The following ZC3H7B variants were observed in gnomAD, a reference collection of about 807,000 sequenced individuals.
ZC3H7B encodes the protein zinc finger CCCH-type containing 7B.
A neutral mutation model predicts 116.0 loss-of-function variants in ZC3H7B; 35 were observed. The ratio of observed to expected loss-of-function variants is 0.30; its 90% CI spans 0.23 to 0.40. The LOEUF is 0.40. Ranked by LOEUF, ZC3H7B falls within the 10% of genes least tolerant of loss-of-function variation. ZC3H7B has a pLI of 1.00. For synonymous variants in ZC3H7B, 502 were observed against 545.6 expected (o/e 0.92, Z 1.11); for missense variants, 1,011 against 1,321.5 (o/e 0.77, Z 3.64).
Position 41,357,418 on chromosome 22 carries a change from A to G in ZC3H7B, c.2923A>G (p.Thr975Ala), listed in dbSNP as rs1008745981. Residue 975 changes from threonine to alanine, a missense_variant, in exon 23 of 23, where the codon ACT becomes GCT. Physicochemically the swap from Thr to Ala is moderately conservative, Grantham distance 58 (BLOSUM62 0). Coordinates refer to ENST00000352645, the MANE Select transcript of ZC3H7B (RefSeq NM_017590.6). The surrounding 1 kb of genome is among the most constrained non-coding windows in gnomAD (Gnocchi z 5.4). ...EAPAAAATAT[T>A]GE ...CCCTGCTGCTGCTGCCACCGCCACC[A>G]CTGGGGAGTAGGGCCAGGTGTTGGC... 1 of 1,589,358 alleles carries G rather than the reference A, an allele frequency of 6.3e-7. No individual in the cohort carries two copies. Among genetic ancestry groups the G allele is most frequent in the Admixed American group, 1.7e-5 (1 of 59,222 alleles).
Position 41,313,097 on chromosome 22 carries a change from A to C in ZC3H7B, c.-6-7558A>C, listed in dbSNP as rs534925384. On this transcript the variant is annotated intron_variant, in intron 1 of 22. Transcript: ENST00000352645. ...ATAAAAAATGAGGTGGGGCAGTTCC[A>C]GAAGCAGGTAATGTTTTGGGTCAGA... 1.3e-3 allele frequency among the ~76,000 whole-genome samples: 192 copies of C among 152,088 alleles called. 1 individual carries two copies. The highest frequency in any genetic ancestry group is 6.8e-3 in the Middle Eastern group (2 of 294).
In ZC3H7B at chr22:41,339,113, C is replaced by G; in HGVS notation, c.738C>G (p.Leu246=). ...LLAPLDSSRT[L]PSTDSLDDFS... ...CCCCCCTGGACAGCAGCAGGACCCTCCCCAGCACCGACAGCCTGGATGACT... is the reference window on the plus strand; with the variant it reads ...CCCCCCTGGACAGCAGCAGGACCCTGCCCAGCACCGACAGCCTGGATGACT... The change falls in exon 9 of 23, where the codon CTC becomes CTG. Residue 246 remains leucine (L), a synonymous_variant. Transcript: ENST00000352645. The G allele has an allele frequency of 6.2e-7, 1 of 1,613,014 alleles. No homozygotes were observed. The highest frequency in any genetic ancestry group is 1.1e-5 in the South Asian group (1 of 90,702).
In ZC3H7B at chr22:41,348,126, C is replaced by G; in HGVS notation, c.1725C>G (p.Val575=). ...AAGGCACCAAGGACTCTCCGTCTGT[C>G]TGCTCCAACCTGGCTGCCAAGCACA... ...ISKGTKDSPS[V]CSNLAAKHSF... Residue 575 remains valine, a synonymous_variant, in exon 15 of 23, where the codon GTC becomes GTG. Transcript: ENST00000352645. The G allele has an allele frequency of 6.2e-7, 1 of 1,613,998 alleles. No homozygotes were observed.
At chr22:41,324,349 G>C (rs532800466) in intron 2 of ZC3H7B, among the ~76,000 whole-genome samples, 128 of 152,296 alleles carry the variant, frequency 8.4e-4, no homozygotes, top group Non-Finnish European at 1.3e-3. Context: ...TTGCGCCTCT[G>C]CCCACCTCTC....
chr22:41,340,685 T>C (rs2036510894), intron 10 of ZC3H7B, among the ~76,000 whole-genome samples: 2 of 152,096 alleles, frequency 1.3e-5, no homozygotes, highest in Admixed American at 1.3e-4. Context: ...GAGGAAGTGA[T>C]GACTAGGCAG....
chr22:41,323,591 G>A (rs561275789), intron 2 of ZC3H7B, among the ~76,000 whole-genome samples: 50 of 152,320 alleles, frequency 3.3e-4, no homozygotes, highest in African/African-American at 4.8e-4. Context: ...CCCCGAAGCC[G>A]TCTGTTGGCC....
chr22:41,334,736 A>T (rs890444613), intron 7 of ZC3H7B: 1 of 152,320 alleles, frequency 6.6e-6, no homozygotes, highest in African/African-American at 2.4e-5. Flanking sequence ...TGAGTTGTGC[A>T]CAGACACAAG....
At position 41,346,212 on chromosome 22, in the gene ZC3H7B, C is replaced by A; in HGVS notation, c.1665+4C>A. 1 of 1,608,536 alleles carries A rather than the reference C, an allele frequency of 6.2e-7. No individual in the cohort carries two copies. The highest frequency in any genetic ancestry group is 8.5e-7 in the Non-Finnish European group (1 of 1,179,742). ...CATCTTCACCTTCCTCTGCGAGGTA[C>A]TGCCCACCCACCCACTGCCACCCCA... On this transcript the variant is annotated splice_donor_region_variant and intron_variant, in intron 14 of 22. Transcript: ENST00000352645. This position sits in a 1 kb window ranked among gnomAD's most constrained non-coding sequence, Gnocchi z 5.3.
At chr22:41,311,717 A>G (rs2036120612) in intron 1 of ZC3H7B, among the ~76,000 whole-genome samples, 1 of 152,030 alleles carries the variant, frequency 6.6e-6, no homozygotes, top group Non-Finnish European at 1.5e-5. Context: ...TGTTATCATG[A>G]AATGCAAGAG....
Position 41,357,592 on chromosome 22 carries a change from G to A in ZC3H7B, c.*163G>A, listed in dbSNP as rs568414633. The A allele has an allele frequency of 1.4e-4, 140 of 1,024,814 alleles. No individual in the cohort carries two copies. The African/African-American group carries it at 1.8e-3, about 14-fold the overall frequency. The allele number at this position is 1,024,814 out of a possible 1,614,324, so 63.5% of individuals were successfully genotyped here. On this transcript the variant is annotated 3_prime_UTR_variant, in exon 23 of 23. Coordinates refer to ENST00000352645, the MANE Select transcript of ZC3H7B (RefSeq NM_017590.6). The surrounding 1 kb of genome is among the most constrained non-coding windows in gnomAD (Gnocchi z 5.4). ...TCCATCTTCTCCCCACCACCGCCCC[G>A]GTGTGCGTACCCAGGCGCACGTGCT...
intron 15 of ZC3H7B, among the ~76,000 whole-genome samples, chr22:41,348,751 T>C (rs984881593): frequency 5.3e-5 from 8 of 152,212 alleles, no homozygotes; most frequent in Non-Finnish European, 1.2e-4. Context: ...TCTAGGCTCC[T>C]GGGGCTGCAG....
At chr22:41,320,853 G>A (rs1226410831) in intron 2 of ZC3H7B, 140 bp downstream of exon 2, 3 of 1,168,742 alleles carry the variant, frequency 2.6e-6, no homozygotes, top group African/African-American at 3.1e-5. Flanking sequence ...GTGCGGGCAG[G>A]TGGGAGGAGC....
chr22:41,302,408 G>A lies in ZC3H7B; in HGVS notation c.-7+636G>A, dbSNP rs966206313. Among the ~76,000 whole-genome samples the A allele has an allele frequency of 1.1e-4, 16 of 152,128 alleles. No homozygotes were observed. The highest frequency in any genetic ancestry group is 3.9e-4 in the African/African-American group (16 of 41,452). ...AGGGGGGCGCGGTCTGGGCCTGCTG[G>A]GCAGGGGGGCGTTTCCGGTCGCAGG... On this transcript the variant is annotated intron_variant, in intron 1 of 22. Coordinates refer to ENST00000352645, the MANE Select transcript of ZC3H7B (RefSeq NM_017590.6). The surrounding 1 kb of genome is among the most constrained non-coding windows in gnomAD (Gnocchi z 5.7).
At chr22:41,345,202 A>G (rs985916156) in intron 13 of ZC3H7B, among the ~76,000 whole-genome samples, 2 of 152,202 alleles carry the variant, frequency 1.3e-5, no homozygotes, top group East Asian at 3.8e-4. Flanking sequence ...CTCGGGGAGT[A>G]ATGAGGAATC....
rs1011571001 is a variant in ZC3H7B, at chr22:41,340,982, G to A, written c.1139-106G>A. ...TCAGCAGGAGTAGGAGAGGATGTGT[G>A]GCCTGGGGGCTTCTCCGAGTCAGCA... On this transcript the variant is annotated intron_variant, in intron 10 of 22. Coordinates refer to ENST00000352645, the MANE Select transcript of ZC3H7B (RefSeq NM_017590.6). The A allele has an allele frequency of 3.7e-6, 4 of 1,091,850 alleles. 1 individual carries two copies. The Admixed American group carries it at 5.9e-5, about 16-fold the overall frequency. The allele number at this position is 1,091,850 out of a possible 1,614,324, so 67.6% of individuals were successfully genotyped here.
rs369523814 is a variant in ZC3H7B at position 41,339,122 on chromosome 22, C to G, written c.747C>G (p.Thr249=). 1 of 1,612,980 alleles carries G rather than the reference C, an allele frequency of 6.2e-7. No individual in the cohort carries two copies. The highest frequency in any genetic ancestry group is 8.5e-7 in the Non-Finnish European group (1 of 1,179,572). ...ACAGCAGCAGGACCCTCCCCAGCAC[C>G]GACAGCCTGGATGACTTCTCAGACG... ...PLDSSRTLPS[T]DSLDDFSDGD... is the part of the protein sequence containing the mutation. The change falls in exon 9 of 23, where the codon ACC becomes ACG. Residue 249 remains threonine (T), a synonymous_variant. Transcript: ENST00000352645.
intron 6 of ZC3H7B, among the ~76,000 whole-genome samples, chr22:41,331,206 A>C (rs1240810432): frequency 6.9e-6 from 1 of 145,892 alleles, no homozygotes; most frequent in Non-Finnish European, 1.5e-5. Context: ...CCAAGATCGC[A>C]CCATTGCACT....
chr22:41,341,437 G>T (rs1178633829), intron 11 of ZC3H7B, among the ~76,000 whole-genome samples: 2 of 152,258 alleles, frequency 1.3e-5, no homozygotes, highest in East Asian at 3.9e-4. Flanking sequence ...GACTCAGTCC[G>T]GTCCTGAGTT....
chr22:41,311,724 A>G lies in ZC3H7B; in HGVS notation c.-6-8931A>G, dbSNP rs115837925. 4.4e-3 allele frequency among the ~76,000 whole-genome samples: 675 copies of G among 152,212 alleles called. 7 individuals carry two copies. Among genetic ancestry groups the G allele is most frequent in the African/African-American group, 0.015 (620 of 41,534 alleles). ...ATGACTCATGTTATCATGAAATGCA[A>G]GAGCTCATCTGGGGAGCAGGTAGTG... On this transcript the variant is annotated intron_variant, in intron 1 of 22. Transcript: ENST00000352645.
Sources: gnomAD v4.1 joint callset for allele counts (sites outside exome capture counted in the v4.1 genomes callset) on GRCh38, gnomAD v4.1.1 for gene constraint, Gnocchi (gnomAD v3.1) non-coding constraint, MANE v1.5 for transcripts, NCBI Gene and HGNC (gene_info 2026-07-23, HGNC 2026-07-21) for gene names.